ZNF385D: variants seen among roughly 807,000 people sequenced by gnomAD.
ZNF385D encodes the protein zinc finger protein 385D, also known as zinc finger protein 659.
Under a neutral mutation model 35.8 loss-of-function variants are expected in ZNF385D, and 15 were observed. The observed-to-expected ratio is 0.42, with a 90% CI of 0.28 to 0.64. The LOEUF (loss-of-function observed/expected upper bound fraction) is 0.64, where lower values mean the gene tolerates loss of function less well. Among genes scored for constraint, ZNF385D ranks in the 30% least tolerant of loss-of-function variants. ZNF385D has a pLI of 0.23. For missense variants in ZNF385D, 474 were observed against 494.6 expected, an observed-to-expected ratio of 0.96 and a Z score of 0.39; for synonymous variants, 212 against 186.8, an observed-to-expected ratio of 1.13 and a Z score of -1.10.
intron 3 of ZNF385D, among the ~76,000 whole-genome samples, chr3:21,981,426 C>G (rs1387426086): frequency 6.6e-6 from 1 of 151,962 alleles, no homozygotes; most frequent in Non-Finnish European, 1.5e-5. Flanking sequence ...TTGTTTTTCT[C>G]TTGCGAATTT....
intron 2 of ZNF385D, among the ~76,000 whole-genome samples, chr3:21,612,875 A>C (rs2064725871): frequency 6.6e-6 from 1 of 152,186 alleles, no homozygotes; most frequent in South Asian, 2.1e-4. Flanking sequence ...TTAAAATAAA[A>C]CACCTTAAAT....
At chr3:22,309,679 C>T (rs1703430350) in intron 2 of ZNF385D, among the ~76,000 whole-genome samples, 1 of 151,896 alleles carries the variant, frequency 6.6e-6, no homozygotes, top group South Asian at 2.1e-4. Flanking sequence ...TTAAGCTGAC[C>T]AAACTCACTT....
intron 3 of ZNF385D, among the ~76,000 whole-genome samples, chr3:22,084,025 G>C (rs554361975): frequency 3.4e-4 from 51 of 152,042 alleles, no homozygotes; most frequent in Non-Finnish European, 6.3e-4. Context: ...TACAGACAAG[G>C]AAATGCTGAG....
At chr3:21,639,316 GTTTGTGT>G (rs1467587310) in intron 2 of ZNF385D, among the ~76,000 whole-genome samples, 1 of 151,966 alleles carries the variant, frequency 6.6e-6, no homozygotes, top group Non-Finnish European at 1.5e-5. Flanking sequence ...AAGCAAGAAT[GTTTGTGT>G]TTTCTAGATC....
chr3:21,745,302 G>T (rs1231257809), intron 1 of ZNF385D, among the ~76,000 whole-genome samples: 1 of 152,122 alleles, frequency 6.6e-6, no homozygotes, highest in Non-Finnish European at 1.5e-5. Context: ...AGATTGATAA[G>T]AAAGAAAAGA....
intron 4 of ZNF385D, among the ~76,000 whole-genome samples, chr3:21,474,330 C>G (rs926049069): frequency 6.6e-6 from 1 of 152,084 alleles, no homozygotes; most frequent in African/African-American, 2.4e-5. Context: ...GGATAGCAAA[C>G]CATGAAGACT....
chr3:21,829,356 G>T (rs1694844805), intron 3 of ZNF385D, among the ~76,000 whole-genome samples: 1 of 152,116 alleles, frequency 6.6e-6, no homozygotes. Flanking sequence ...AGCTTTCTCA[G>T]GGAAGGGATC....
chr3:22,121,565 G>C (rs1703089212), intron 3 of ZNF385D, among the ~76,000 whole-genome samples: 1 of 152,110 alleles, frequency 6.6e-6, no homozygotes, highest in Non-Finnish European at 1.5e-5. Context: ...CGTGCACAAT[G>C]CACAAAGGAT....
At chr3:21,855,228 A>G (rs989225122) in intron 3 of ZNF385D, among the ~76,000 whole-genome samples, 1 of 152,022 alleles carries the variant, frequency 6.6e-6, no homozygotes. Flanking sequence ...ACTGTCTCAA[A>G]ATAATTTGTT....
intron 3 of ZNF385D, among the ~76,000 whole-genome samples, chr3:22,044,140 C>G (rs1698843071): frequency 6.7e-6 from 1 of 148,874 alleles, no homozygotes; most frequent in East Asian, 2.0e-4. Flanking sequence ...GGTGGGTATG[C>G]TGTGATTGTA....
At chr3:21,619,664 T>G (rs1345427732) in intron 2 of ZNF385D, among the ~76,000 whole-genome samples, 4 of 152,002 alleles carry the variant, frequency 2.6e-5, no homozygotes, top group African/African-American at 9.7e-5. Context: ...TGGGGAATGG[T>G]GGTAAGAGTT....
intron 3 of ZNF385D, among the ~76,000 whole-genome samples, chr3:22,026,999 G>A (rs901434670): frequency 6.6e-6 from 1 of 152,164 alleles, no homozygotes; most frequent in East Asian, 1.9e-4. Flanking sequence ...CACATATCCT[G>A]GTACCTGGTA....
chr3:21,563,043 T>A (rs1032766102), intron 3 of ZNF385D, among the ~76,000 whole-genome samples: 1 of 152,208 alleles, frequency 6.6e-6, no homozygotes, highest in Non-Finnish European at 1.5e-5. Flanking sequence ...GTCTGATTAT[T>A]TGTATACCTG....
At chr3:21,440,992 C>T (rs2125245287) in intron 4 of ZNF385D, among the ~76,000 whole-genome samples, 1 of 152,180 alleles carries the variant, frequency 6.6e-6, no homozygotes, top group Non-Finnish European at 1.5e-5. Flanking sequence ...TACTCATGCA[C>T]TCAAACTTTA....
intron 3 of ZNF385D, among the ~76,000 whole-genome samples, chr3:21,912,061 A>C (rs1699988750): frequency 6.6e-6 from 1 of 151,908 alleles, no homozygotes; most frequent in Non-Finnish European, 1.5e-5. Context: ...GTTCCAGGAA[A>C]TCTTTGCTCC....
chr3:22,284,448 C>T (rs1305186459), intron 2 of ZNF385D, among the ~76,000 whole-genome samples: 1 of 151,932 alleles, frequency 6.6e-6, no homozygotes, highest in Non-Finnish European at 1.5e-5. Flanking sequence ...CCTCGGCCTC[C>T]CAAAGTGCTG....
chr3:22,268,871 C>A (rs781759564), intron 2 of ZNF385D, among the ~76,000 whole-genome samples: 2 of 151,832 alleles, frequency 1.3e-5, no homozygotes, highest in South Asian at 2.1e-4. Context: ...GTTTCCTTAT[C>A]TGGAAAATAG....
intron 2 of ZNF385D, among the ~76,000 whole-genome samples, chr3:22,348,573 A>G (rs112568253): frequency 0.062 from 9,275 of 150,330 alleles, 402 homozygotes; most frequent in South Asian, 0.12. Context: ...CTGAGGCAGG[A>G]GAATTGCCTG....
At chr3:21,898,566 A>C (rs1255457308) in intron 3 of ZNF385D, among the ~76,000 whole-genome samples, 2 of 152,198 alleles carry the variant, frequency 1.3e-5, no homozygotes, top group Non-Finnish European at 2.9e-5. Flanking sequence ...GATATATTAT[A>C]ACTTCCAATT....
Sources: allele counts gnomAD v4.1 joint callset (sites outside exome capture counted in the v4.1 genomes callset), GRCh38; gene constraint gnomAD v4.1.1; transcripts MANE v1.5; gene names NCBI Gene and HGNC (gene_info 2026-07-23, HGNC 2026-07-21).